DPYSL2: variants seen among roughly 807,000 people sequenced by gnomAD.
DPYSL2 encodes the protein dihydropyrimidinase like 2, also known as dihydropyrimidinase-related protein 2.
Under a neutral mutation model 69.9 loss-of-function variants are expected in DPYSL2, and 13 were observed. That is an observed-to-expected ratio of 0.19 (90% CI 0.12 to 0.30). The LOEUF (loss-of-function observed/expected upper bound fraction) is 0.30. DPYSL2 is among the 10% of genes least tolerant of loss of function. DPYSL2 has a pLI of 1.00. For synonymous variants in DPYSL2, 326 were observed against 359.1 expected (o/e 0.91, Z 1.04); for missense variants, 587 against 918.9 (o/e 0.64, Z 4.67).
rs539246558 is a variant in DPYSL2, at chr8:26,655,868, C to T, written c.*162C>T. The stretch of plus-strand genomic sequence containing the variant: ...TCATGGGGTCCCCCTTGGGGCCCCA[C>T]ACCCCGTCTCTCACCAAGAGTTACT... On this transcript the variant is annotated 3_prime_UTR_variant, in exon 14 of 14. Coordinates refer to ENST00000521913, the MANE Select transcript of DPYSL2 (RefSeq NM_001197293.3). The T allele has an allele frequency of 1.4e-4, 75 of 552,654 alleles. No individual in the cohort carries two copies. The highest frequency in any genetic ancestry group is 1.3e-3 in the African/African-American group (71 of 53,184). 34.2% of individuals were successfully genotyped at this position (552,654 alleles called of 1,614,324 possible).
At position 26,579,954 on chromosome 8, in the gene DPYSL2, GCCC is replaced by G. The variant is rs56385974; in HGVS notation, c.355-2006_355-2004del. On this transcript the variant is annotated intron_variant, in intron 1 of 13. Coordinates refer to ENST00000521913, the MANE Select transcript of DPYSL2 (RefSeq NM_001197293.3). ...TTTTTTTTTTTTTTTTTTAAAGAGC[GCCC>G]CCCCCCCCACACCCTTTAAAAAATC... Among the ~76,000 whole-genome samples the G allele has an allele frequency of 4.4e-3, 535 of 122,580 alleles. 8 individuals carry two copies. Among genetic ancestry groups the G allele is most frequent in the African/African-American group, 0.017 (511 of 30,520 alleles). 80.4% of individuals were successfully genotyped at this position (122,580 alleles called of 152,430 possible).
chr8:26,576,599 C>T (rs1199173464), intron 1 of DPYSL2, among the ~76,000 whole-genome samples: 1 of 152,192 alleles, frequency 6.6e-6, no homozygotes, highest in Non-Finnish European at 1.5e-5. Flanking sequence ...ACAGGCAAAG[C>T]TAAGGGGTCC....
intron 1 of DPYSL2, among the ~76,000 whole-genome samples, chr8:26,558,375 A>T (rs573554308): frequency 6.6e-6 from 1 of 152,344 alleles, no homozygotes; most frequent in East Asian, 1.9e-4. Context: ...ACTCTATGAC[A>T]TTCTGGCAAA....
In DPYSL2 at chr8:26,647,938, A is replaced by G. The variant is rs771427680; in HGVS notation, c.1596+138A>G. On this transcript the variant is annotated intron_variant, in intron 11 of 13. Coordinates refer to ENST00000521913, the MANE Select transcript of DPYSL2 (RefSeq NM_001197293.3). The surrounding 1 kb of genome is among the most constrained non-coding windows in gnomAD (Gnocchi z 5.1). ...TCGACTGAGGATGTTATGATTTGCA[A>G]TTTGCTGGGAAAAGAATAGTTATTT... 2.9e-5 allele frequency: 29 copies of G among 1,015,978 alleles called. No individual in the cohort carries two copies. The highest frequency in any genetic ancestry group is 8.3e-5 in the African/African-American group (5 of 60,274). 62.9% of individuals were successfully genotyped at this position (1,015,978 alleles called of 1,614,324 possible).
chr8:26,628,683 G>A (rs1398458718), intron 7 of DPYSL2, among the ~76,000 whole-genome samples: 1 of 152,234 alleles, frequency 6.6e-6, no homozygotes, highest in East Asian at 1.9e-4. Flanking sequence ...GGAATCTCCA[G>A]GGAACCACCA....
intron 3 of DPYSL2, among the ~76,000 whole-genome samples, chr8:26,612,095 G>A (rs1220805339): frequency 6.6e-6 from 1 of 152,262 alleles, no homozygotes; most frequent in Admixed American, 6.5e-5. Context: ...GTAGGACTCA[G>A]TCCCCCAGTT....
Position 26,564,776 on chromosome 8 carries a change from A to T in DPYSL2, c.355-17193A>T, listed in dbSNP as rs567806839. On this transcript the variant is annotated intron_variant, in intron 1 of 13. Transcript: ENST00000521913. The surrounding 1 kb of genome is among the most constrained non-coding windows in gnomAD (Gnocchi z 4.8). ...CTTTTTAAAAGAATTTTTTTTTTAA[A>T]AAATTTCAATAGCTTTTGGGATACA... is the stretch of plus-strand genomic sequence containing the variant. 0.11 allele frequency among the ~76,000 whole-genome samples: 15,644 copies of T among 147,912 alleles called. 892 individuals are homozygous for T. The highest frequency in any genetic ancestry group is 0.12 in the Non-Finnish European group (7,731 of 66,174).
chr8:26,527,445 G>C (rs1216837808), intron 1 of DPYSL2, among the ~76,000 whole-genome samples: 1 of 151,978 alleles, frequency 6.6e-6, no homozygotes, highest in Non-Finnish European at 1.5e-5. Context: ...CTTCAATTCA[G>C]GTGAAATCCC....
At chr8:26,632,317 A>G (rs1802796303) in intron 7 of DPYSL2, among the ~76,000 whole-genome samples, 1 of 152,220 alleles carries the variant, frequency 6.6e-6, no homozygotes, top group African/African-American at 2.4e-5. Flanking sequence ...GACTGTGGAC[A>G]AGGCGAGGAG....
At chr8:26,603,594 C>T (rs7835006) in intron 3 of DPYSL2, among the ~76,000 whole-genome samples, 31,295 of 152,200 alleles carry the variant, frequency 0.21, 3,333 homozygotes, top group Middle Eastern at 0.27. Flanking sequence ...CCGTGGTCCA[C>T]TTCCAGAACT....
chr8:26,600,255 G>C (rs918287340), intron 3 of DPYSL2, among the ~76,000 whole-genome samples: 3 of 152,254 alleles, frequency 2.0e-5, no homozygotes, highest in Middle Eastern at 3.4e-3. Context: ...TGTGTTTTCT[G>C]TTCTCTTGGG....
At chr8:26,520,435 T>A (rs1808366300) in intron 1 of DPYSL2, among the ~76,000 whole-genome samples, 1 of 151,268 alleles carries the variant, frequency 6.6e-6, no homozygotes, top group Non-Finnish European at 1.5e-5. Context: ...TCATTTTATC[T>A]CCAAATAATG....
At chr8:26,525,846 C>T (rs1808467098) in intron 1 of DPYSL2, among the ~76,000 whole-genome samples, 1 of 152,108 alleles carries the variant, frequency 6.6e-6, no homozygotes, top group South Asian at 2.1e-4. Flanking sequence ...TTTTTAGTTA[C>T]AGAAACCTGA....
Position 26,577,056 on chromosome 8 carries a change from G to T in DPYSL2, c.355-4913G>T, listed in dbSNP as rs536558099. ...CGCCCTACTAAGTTCCTCGCGGCCG[G>T]AAGGCACAAAAGGATGTTTCAGGGC... On this transcript the variant is annotated intron_variant, in intron 1 of 13. Coordinates refer to ENST00000521913, the MANE Select transcript of DPYSL2 (RefSeq NM_001197293.3). The T allele has an allele frequency of 4.7e-5, 19 of 407,144 alleles. 1 individual carries two copies. In the Admixed American group the frequency reaches 5.0e-4, roughly 11 times the overall value. The allele number at this position is 407,144 out of a possible 1,614,324, so 25.2% of individuals were successfully genotyped here. A position where few individuals can be genotyped will look rare whatever the true frequency, so the allele number is the denominator to read the frequency against.
At chr8:26,549,010 G>A (rs1415990221) in intron 1 of DPYSL2, among the ~76,000 whole-genome samples, 4 of 152,114 alleles carry the variant, frequency 2.6e-5, no homozygotes, top group Non-Finnish European at 4.4e-5. Flanking sequence ...CCAACATGGG[G>A]AAGCCCCGTC....
At chr8:26,578,236 A>AT (rs1563394023) in intron 1 of DPYSL2, 6 of 1,613,920 alleles carry the variant, frequency 3.7e-6, no homozygotes, top group East Asian at 2.2e-5. Context: ...CTTGAAATTA[A>AT]TTTTTTCCCA....
intron 10 of DPYSL2, among the ~76,000 whole-genome samples, chr8:26,646,948 A>C (rs1435875150): frequency 1.3e-5 from 2 of 151,742 alleles, no homozygotes; most frequent in African/African-American, 4.8e-5. Context: ...ACTCTACTGC[A>C]CTCTAGCCTC....
rs535805174 is a variant in DPYSL2 at position 26,657,264 on chromosome 8, G to A, written c.*1558G>A. ...CATGGCCCCCTTAGAGACCACAGGT[G>A]ATGTCTGTCTCCATCCTTCCCTCTC... is the stretch of plus-strand genomic sequence containing the variant. On this transcript the variant is annotated 3_prime_UTR_variant, in exon 14 of 14. Transcript: ENST00000521913. 140 of 152,780 alleles carry A rather than the reference G, an allele frequency of 9.2e-4. 1 individual carries two copies. Among genetic ancestry groups the A allele is most frequent in the Non-Finnish European group, 1.1e-3 (77 of 68,034 alleles). The allele number at this position is 152,780 out of a possible 1,614,324, so 9.5% of individuals were successfully genotyped here. A position where few individuals can be genotyped will look rare whatever the true frequency, so the allele number is the denominator to read the frequency against.
chr8:26,652,388 G>A lies in DPYSL2; in HGVS notation c.1728G>A (p.Arg576=). The A allele has an allele frequency of 1.2e-6, 2 of 1,614,188 alleles. No homozygotes were observed. Among genetic ancestry groups the A allele is most frequent in the South Asian group, 1.1e-5 (1 of 91,074 alleles). Residue 576 remains arginine, a synonymous_variant, in exon 12 of 14, where the codon CGG becomes CGA. Transcript: ENST00000521913. The surrounding 1 kb of genome is among the most constrained non-coding windows in gnomAD (Gnocchi z 6.3). ...VTEGSGRYIP[R]KPFPDFVYKR... ...AAGGCTCTGGACGCTACATTCCCCG[G>A]AAGCCCTTCCCTGATTTTGTTTACA...
Sources: allele counts gnomAD v4.1 joint callset (sites outside exome capture counted in the v4.1 genomes callset), GRCh38; gene constraint gnomAD v4.1.1; non-coding constraint Gnocchi (gnomAD v3.1); transcripts MANE v1.5; gene names NCBI Gene and HGNC (gene_info 2026-07-23, HGNC 2026-07-21).